The following GJB4 variants were observed in gnomAD, a reference collection of about 807,000 sequenced individuals.
GJB4 encodes the protein gap junction beta-4 protein.
For missense variants in GJB4, 371 were observed against 363.8 expected (o/e 1.02, Z -0.16); for synonymous variants, 162 against 158.1 (o/e 1.02, Z -0.18).
In GJB4 at chr1:34,762,235, G is replaced by C; in HGVS notation, c.*180G>C. On this transcript the variant is annotated 3_prime_UTR_variant, in exon 2 of 2. Transcript: ENST00000339480. ...GGGGGTAGTTTGGTCCCTGGGTCCT[G>C]AGCCTCAGGGGAGGGAGGTTGATAG... is the stretch of plus-strand genomic sequence containing the variant. 1.5e-6 allele frequency: 1 copy of C among 672,576 alleles called. No individual in the cohort carries two copies. Among genetic ancestry groups the C allele is most frequent in the Non-Finnish European group, 2.7e-6 (1 of 366,958 alleles). The allele number at this position is 672,576 out of a possible 1,614,324, so 41.7% of individuals were successfully genotyped here.
In GJB4 at chr1:34,762,078, T is replaced by A; in HGVS notation, c.*23T>A. On this transcript the variant is annotated 3_prime_UTR_variant, in exon 2 of 2. Transcript: ENST00000339480. ...TAACCTGCGAGATCAGCAGATAAGATCAACAGGTCCCCCCCACATGAGGCC... is the reference window on the plus strand; with the variant it reads ...TAACCTGCGAGATCAGCAGATAAGAACAACAGGTCCCCCCCACATGAGGCC... 6.3e-7 allele frequency: 1 copy of A among 1,591,518 alleles called. No homozygotes were observed.
rs1200459150 is a variant in GJB4 at position 34,762,089 on chromosome 1, C to T, written c.*34C>T. ...ATCAGCAGATAAGATCAACAGGTCC[C>T]CCCCACATGAGGCCACCCAGGAAAA... On this transcript the variant is annotated 3_prime_UTR_variant, in exon 2 of 2. Transcript: ENST00000339480. 1.8e-5 allele frequency: 29 copies of T among 1,570,656 alleles called. No homozygotes were observed. Among genetic ancestry groups the T allele is most frequent in the Non-Finnish European group, 2.5e-5 (29 of 1,153,674 alleles).
chr1:34,761,609 A>T lies in GJB4; in HGVS notation c.355A>T (p.Asn119Tyr). Residue 119 changes from asparagine to tyrosine, a missense_variant, in exon 2 of 2, where the codon AAC (asparagine) becomes TAC (tyrosine). Transcript: ENST00000339480. This position sits in a 1 kb window ranked among gnomAD's most constrained non-coding sequence, Gnocchi z 4.4. ...HGPNAPSLYD[N>Y]LSKKRGGLWW... The stretch of plus-strand genomic sequence containing the variant: ...GCCCAATGCCCCGTCCCTGTACGAC[A>T]ACCTGAGCAAGAAGCGGGGCGGACT... The T allele has an allele frequency of 1.2e-6, 2 of 1,614,216 alleles. No homozygotes were observed. The highest frequency in any genetic ancestry group is 2.2e-5 in the South Asian group (2 of 91,086).
At position 34,761,416 on chromosome 1, in the gene GJB4, C is replaced by T; in HGVS notation, c.162C>T (p.Asn54=). ...ATGAGCAGAAGGACTTTGTCTGCAA[C>T]ACCAAGCAGCCCGGCTGCCCCAACG... ...WDDEQKDFVC[N]TKQPGCPNVC... is the part of the protein sequence containing the mutation. The change falls in exon 2 of 2, where the codon AAC becomes AAT. Residue 54 remains asparagine (N), a synonymous_variant. Coordinates refer to ENST00000339480, the MANE Select transcript of GJB4 (RefSeq NM_153212.3). The surrounding 1 kb of genome is among the most constrained non-coding windows in gnomAD (Gnocchi z 4.4). The T allele has an allele frequency of 1.2e-6, 2 of 1,614,174 alleles. No homozygotes were observed. The highest frequency in any genetic ancestry group is 1.3e-5 in the African/African-American group (1 of 75,062).
At position 34,760,754 on chromosome 1, in the gene GJB4, G is replaced by T. The variant is rs182943132; in HGVS notation, c.-322-179G>T. Reference sequence around the variant, plus strand: ...TGGGATGGATCTGACAACTGATAAGGATACGTTCCCACCCCTCCTGCCCTG... The same window carrying T: ...TGGGATGGATCTGACAACTGATAAGTATACGTTCCCACCCCTCCTGCCCTG... On this transcript the variant is annotated intron_variant, in intron 1 of 1. Transcript: ENST00000339480. 6.4e-3 allele frequency among the ~76,000 whole-genome samples: 979 copies of T among 152,268 alleles called. 2 individuals carry two copies. Among genetic ancestry groups the T allele is most frequent in the Non-Finnish European group, 0.011 (721 of 67,996 alleles).
rs1024643214 is a variant in GJB4, at chr1:34,762,161, G to A, written c.*106G>A. The A allele has an allele frequency of 1.9e-5, 22 of 1,185,396 alleles. No individual in the cohort carries two copies. The African/African-American group carries it at 3.2e-4, about 17-fold the overall frequency. 73.4% of individuals were successfully genotyped at this position (1,185,396 alleles called of 1,614,324 possible). A position where few individuals can be genotyped will look rare whatever the true frequency, so the allele number is the denominator to read the frequency against. On this transcript the variant is annotated 3_prime_UTR_variant, in exon 2 of 2. Transcript: ENST00000339480. ...TTGCCGTAGCAGGGTGGTGAGGAGG[G>A]TGGCTGTGGGGGCTCAGGAAGCTCG...
Position 34,761,958 on chromosome 1 carries a change from C to A in GJB4, c.704C>A (p.Pro235Gln). ...CGGGAATGCCTACCCGATACGTGCC[C>A]ACCATATGTCCTCTCCCAGGGAGGG... is the stretch of plus-strand genomic sequence containing the variant. ...RCRECLPDTC[P>Q]PYVLSQGGHP... Residue 235 changes from proline to glutamine, a missense_variant, in exon 2 of 2, where the codon CCA becomes CAA. By Grantham distance (76) the Pro-to-Gln change is moderately conservative. Transcript: ENST00000339480. This position sits in a 1 kb window ranked among gnomAD's most constrained non-coding sequence, Gnocchi z 4.4. 1 of 1,614,156 alleles carries A rather than the reference C, an allele frequency of 6.2e-7. No homozygotes were observed. The highest frequency in any genetic ancestry group is 2.2e-5 in the East Asian group (1 of 44,872).
chr1:34,761,908 C>T lies in GJB4; in HGVS notation c.654C>T (p.Gly218=), dbSNP rs759845411. 15 of 1,614,156 alleles carry T rather than the reference C, an allele frequency of 9.3e-6. No homozygotes were observed. The highest frequency in any genetic ancestry group is 1.1e-5 in the Non-Finnish European group (13 of 1,180,026). ...GCAAGAGGTGCATGGAGATCTTCGG[C>T]CCCAGGCACCGGCGGCCTCGGTGCC... ...LVGKRCMEIF[G]PRHRRPRCRE... Residue 218 remains glycine, a synonymous_variant, in exon 2 of 2, where the codon GGC becomes GGT. Coordinates refer to ENST00000339480, the MANE Select transcript of GJB4 (RefSeq NM_153212.3). This position sits in a 1 kb window ranked among gnomAD's most constrained non-coding sequence, Gnocchi z 4.4.
chr1:34,760,685 C>T (rs1287346031), intron 1 of GJB4, among the ~76,000 whole-genome samples: 2 of 152,170 alleles, frequency 1.3e-5, no homozygotes, highest in South Asian at 2.1e-4. Context: ...CTGATGTGAA[C>T]GTCCCCAACA....
At chr1:34,760,355 T>TG (rs1435954816) in intron 1 of GJB4, among the ~76,000 whole-genome samples, 1 of 151,808 alleles carries the variant, frequency 6.6e-6, no homozygotes, top group Admixed American at 6.6e-5. Context: ...ATAATGGAAA[T>TG]GCGGCTAGCA....
At position 34,760,940 on chromosome 1, in the gene GJB4, T is replaced by A. The variant is rs1355089837; in HGVS notation, c.-315T>A. On this transcript the variant is annotated 5_prime_UTR_variant, in exon 2 of 2. Transcript: ENST00000339480. Reference sequence around the variant, plus strand: ...GTATCTATTACCTTGTAGAATAAGGTAGACCCTGATTTTGGAACCTGAAGA... The same window carrying A: ...GTATCTATTACCTTGTAGAATAAGGAAGACCCTGATTTTGGAACCTGAAGA... The A allele has an allele frequency of 2.2e-6, 1 of 463,180 alleles. No homozygotes were observed. Among genetic ancestry groups the A allele is most frequent in the Non-Finnish European group, 4.0e-6 (1 of 250,116 alleles). 28.7% of individuals were successfully genotyped at this position (463,180 alleles called of 1,614,324 possible).
chr1:34,761,790 G>A lies in GJB4; in HGVS notation c.536G>A (p.Arg179Gln), dbSNP rs748713797. The change falls in exon 2 of 2, where the codon CGG becomes CAG. Residue 179 changes from arginine (R) to glutamine (Q), a missense_variant. Transcript: ENST00000339480. This position sits in a 1 kb window ranked among gnomAD's most constrained non-coding sequence, Gnocchi z 4.4. ...CACACTGTGGACTGTTACATCTCCC[G>A]GCCCACGGAGAAGAAGGTCTTCACC... ...CPHTVDCYIS[R>Q]PTEKKVFTYF... 15 of 1,614,052 alleles carry A rather than the reference G, an allele frequency of 9.3e-6. 1 individual carries two copies. The highest frequency in any genetic ancestry group is 1.6e-4 in the Middle Eastern group (1 of 6,062).
chr1:34,759,859 C>CCT (rs1403822239), intron 1 of GJB4, 71 bp downstream of exon 1: 1 of 152,544 alleles, frequency 6.6e-6, no homozygotes, highest in Non-Finnish European at 1.5e-5. Context: ...ATCCAAGGGA[C>CCT]CTCAGGCTGT....
chr1:34,761,144 T>C lies in GJB4; in HGVS notation c.-111T>C. ...AAGATTTTGTCAATCGCACCAGCATTAAGGGTGCCCATCTCCAGGTTCCCC... is the reference window on the plus strand; with the variant it reads ...AAGATTTTGTCAATCGCACCAGCATCAAGGGTGCCCATCTCCAGGTTCCCC... On this transcript the variant is annotated 5_prime_UTR_variant, in exon 2 of 2. Transcript: ENST00000339480. This position sits in a 1 kb window ranked among gnomAD's most constrained non-coding sequence, Gnocchi z 4.4. 1.1e-6 allele frequency: 1 copy of C among 947,446 alleles called. No homozygotes were observed. Among genetic ancestry groups the C allele is most frequent in the East Asian group, 2.5e-5 (1 of 39,274 alleles). 58.7% of individuals were successfully genotyped at this position (947,446 alleles called of 1,614,324 possible).
Position 34,761,527 on chromosome 1 carries a change from G to T in GJB4, c.273G>T (p.Val91=). 4 of 1,614,178 alleles carry T rather than the reference G, an allele frequency of 2.5e-6. No individual in the cohort carries two copies. Among genetic ancestry groups the T allele is most frequent in the Non-Finnish European group, 3.4e-6 (4 of 1,180,020 alleles). Residue 91 remains valine, a synonymous_variant, in exon 2 of 2, where the codon GTG becomes GTT. Transcript: ENST00000339480. This position sits in a 1 kb window ranked among gnomAD's most constrained non-coding sequence, Gnocchi z 4.4. ...TGGTCACGTGCCCCTCACTGCTCGT[G>T]GTCATGCACGTGGCCTACCGCGAGG... ...LILVTCPSLL[V]VMHVAYREER... is the part of the protein sequence containing the mutation.
At chr1:34,760,839 C>T (rs1639696862) in intron 1 of GJB4, 94 bp from the exon 2 acceptor site, 1 of 320,066 alleles carries the variant, frequency 3.1e-6, no homozygotes, top group African/African-American at 2.2e-5. Flanking sequence ...CCTACGGTCT[C>T]TTTAGAAGAC....
intron 1 of GJB4, among the ~76,000 whole-genome samples, chr1:34,760,303 G>A (rs1441161650): frequency 6.6e-6 from 1 of 152,112 alleles, no homozygotes; most frequent in Non-Finnish European, 1.5e-5. Context: ...CAGACAAGGG[G>A]GTGTGGAGGT....
At chr1:34,760,274 T>C (rs749420199) in intron 1 of GJB4, among the ~76,000 whole-genome samples, 12 of 147,704 alleles carry the variant, frequency 8.1e-5, no homozygotes, top group Admixed American at 3.4e-4. Context: ...GGGTTGGACA[T>C]GGGGCCTGAT....
chr1:34,760,897 G>A, intron 1 of GJB4, 36 bp from the exon 2 acceptor site: 1 of 371,184 alleles, frequency 2.7e-6, no homozygotes, highest in Non-Finnish European at 5.2e-6. Flanking sequence ...TATCCATGCA[G>A]GATGATTGTC....
Sources: gnomAD v4.1 joint callset for allele counts (sites outside exome capture counted in the v4.1 genomes callset) on GRCh38, gnomAD v4.1.1 for gene constraint, Gnocchi (gnomAD v3.1) non-coding constraint, MANE v1.5 for transcripts, NCBI Gene and HGNC (gene_info 2026-07-23, HGNC 2026-07-21) for gene names.